R3HDM1: variants seen among roughly 807,000 people sequenced by gnomAD.
R3HDM1 encodes the protein R3H domain containing 1.
A neutral mutation model predicts 141.1 loss-of-function variants in R3HDM1; 46 were observed. That is an observed-to-expected ratio of 0.33 (90% confidence interval 0.26 to 0.42). The LOEUF (loss-of-function observed/expected upper bound fraction) is 0.42. R3HDM1 is among the 10% of genes least tolerant of loss of function. The pLI, the probability that R3HDM1 is intolerant of heterozygous loss-of-function variation, is 1.00. For synonymous variants in R3HDM1, 435 were observed against 472.9 expected (o/e 0.92, Z 1.04); for missense variants, 1,184 against 1,368.3 (o/e 0.87, Z 2.12).
Position 135,630,281 on chromosome 2 carries a change from C to CAAAAAAAAAAAA in R3HDM1, c.498-1421_498-1410dup, listed in dbSNP as rs911009655. 2.4e-3 allele frequency among the ~76,000 whole-genome samples: 93 copies of CAAAAAAAAAAAA among 39,324 alleles called. 1 individual carries two copies. Among genetic ancestry groups the CAAAAAAAAAAAA allele is most frequent in the Non-Finnish European group, 2.7e-3 (54 of 19,994 alleles). 25.8% of individuals were successfully genotyped at this position (39,324 alleles called of 152,430 possible). A position where few individuals can be genotyped will look rare whatever the true frequency, so the allele number is the denominator to read the frequency against. Reference sequence around the variant, plus strand: ...AACAAGAGCGAAACTCCTTCTCAACCAAAAAAAAAAAAAAAAAAAAAAAAA... The same window carrying CAAAAAAAAAAAA: ...AACAAGAGCGAAACTCCTTCTCAACCAAAAAAAAAAAAAAAAAAAAAAAAAAAAAAAAAAAAA... On this transcript the variant is annotated intron_variant, in intron 7 of 26. Coordinates refer to ENST00000683871, the MANE Select transcript of R3HDM1 (RefSeq NM_001378107.1).
In R3HDM1 at chr2:135,654,425, C is replaced by G. The variant is rs967322802; in HGVS notation, c.2028+2393C>G. The stretch of plus-strand genomic sequence containing the variant: ...CATTAATTGAAATTTGGAATGTTTT[C>G]TTTTGTTGTTGTTGTTGTTGTTGTT... On this transcript the variant is annotated intron_variant, in intron 18 of 26. Coordinates refer to ENST00000683871, the MANE Select transcript of R3HDM1 (RefSeq NM_001378107.1). Among the ~76,000 whole-genome samples the G allele has an allele frequency of 2.9e-5, 4 of 137,142 alleles. No homozygotes were observed. The East Asian group carries it at 6.6e-4, about 23-fold the overall frequency. 90.0% of individuals were successfully genotyped at this position (137,142 alleles called of 152,430 possible). A position where few individuals can be genotyped will look rare whatever the true frequency, so the allele number is the denominator to read the frequency against.
intron 1 of R3HDM1, among the ~76,000 whole-genome samples, chr2:135,541,851 T>TAAAAA (rs10558924): frequency 8.2e-6 from 1 of 121,916 alleles, no homozygotes. Context: ...TTCAATTTGT[T>TAAAAA]AAAAAAAAAA....
intron 23 of R3HDM1, among the ~76,000 whole-genome samples, chr2:135,710,711 G>C (rs551734515): frequency 1.3e-5 from 2 of 152,064 alleles, no homozygotes; most frequent in Non-Finnish European, 2.9e-5. Flanking sequence ...TAACTTCTGC[G>C]TATTCAAAAA....
chr2:135,613,274 T>C (rs1045494349), intron 3 of R3HDM1, among the ~76,000 whole-genome samples: 5 of 152,212 alleles, frequency 3.3e-5, no homozygotes, highest in African/African-American at 1.2e-4. Context: ...GGTCCTGTTT[T>C]TTGGCTGGTT....
At chr2:135,531,849 G>C in intron 1 of R3HDM1, 2 of 985,366 alleles carry the variant, frequency 2.0e-6, no homozygotes, top group Non-Finnish European at 2.4e-6. Context: ...GTCGGGTTCC[G>C]AGTGAGCCAG....
In R3HDM1 at chr2:135,715,804, A is replaced by G. The variant is rs149104518; in HGVS notation, c.2881+110A>G. ...GCCTTTCTATTTTCCATAGAGCTGC[A>G]TCTTCACCTACACTCAGGCATGTCT... On this transcript the variant is annotated intron_variant, in intron 24 of 26. Coordinates refer to ENST00000683871, the MANE Select transcript of R3HDM1 (RefSeq NM_001378107.1). 2.5e-5 allele frequency: 33 copies of G among 1,306,744 alleles called. 1 individual carries two copies. The East Asian group carries it at 2.9e-4, about 11-fold the overall frequency. The allele number at this position is 1,306,744 out of a possible 1,614,324, so 80.9% of individuals were successfully genotyped here.
At chr2:135,722,645 A>G in intron 26 of R3HDM1, 92 bp downstream of exon 26, 1 of 1,236,020 alleles carries the variant, frequency 8.1e-7, no homozygotes, top group Non-Finnish European at 1.1e-6. Flanking sequence ...TCCTCTTCCT[A>G]GAATCCTGCA....
intron 18 of R3HDM1, 85 bp downstream of exon 18, chr2:135,652,117 C>A: frequency 6.8e-7 from 1 of 1,462,634 alleles, no homozygotes; most frequent in Non-Finnish European, 9.0e-7. Flanking sequence ...TTTTTAAATT[C>A]TCATGAAGAG....
At chr2:135,722,648 A>G in intron 26 of R3HDM1, 95 bp downstream of exon 26, 1 of 1,220,578 alleles carries the variant, frequency 8.2e-7, no homozygotes, top group East Asian at 2.5e-5. Flanking sequence ...TCTTCCTAGA[A>G]TCCTGCAAAA....
chr2:135,721,694 T>C, intron 24 of R3HDM1: 1 of 385,370 alleles, frequency 2.6e-6, no homozygotes, highest in Admixed American at 3.6e-5. Flanking sequence ...TTCAAGCAGT[T>C]CTCATGCCTC....
At chr2:135,716,114 G>C (rs1293524647) in intron 24 of R3HDM1, among the ~76,000 whole-genome samples, 1 of 151,958 alleles carries the variant, frequency 6.6e-6, no homozygotes, top group Non-Finnish European at 1.5e-5. Context: ...ATCACTTGAG[G>C]CCACTCAAGA....
intron 1 of R3HDM1, among the ~76,000 whole-genome samples, chr2:135,592,182 A>G (rs950672305): frequency 2.6e-5 from 4 of 152,226 alleles, no homozygotes; most frequent in Non-Finnish European, 5.9e-5. Context: ...ATCTTAACAT[A>G]AACTATATCA....
At chr2:135,709,992 AGT>A (rs2075431370) in intron 22 of R3HDM1, 65 bp from the exon 23 acceptor site, 1 of 1,443,372 alleles carries the variant, frequency 6.9e-7, no homozygotes, top group African/African-American at 1.4e-5. Context: ...CTGTTATCCT[AGT>A]GTTCAGAAAC....
intron 5 of R3HDM1, chr2:135,619,769 TG>T: frequency 1.1e-6 from 1 of 946,338 alleles, no homozygotes; most frequent in Non-Finnish European, 1.3e-6. Context: ...GGAATTAATC[TG>T]GAATAAAACT....
chr2:135,582,487 T>C (rs1326440177), intron 1 of R3HDM1, among the ~76,000 whole-genome samples: 1 of 152,082 alleles, frequency 6.6e-6, no homozygotes, highest in East Asian at 1.9e-4. Flanking sequence ...GCTTCCAGAG[T>C]TGAAATGCCT....
intron 16 of R3HDM1, among the ~76,000 whole-genome samples, chr2:135,646,309 G>C (rs563296476): frequency 4.0e-5 from 6 of 150,854 alleles, no homozygotes; most frequent in Non-Finnish European, 8.9e-5. Context: ...CAAATTTTTT[G>C]TATTTTTAGT....
In R3HDM1 at chr2:135,636,625, T is replaced by C. The variant is rs559029700; in HGVS notation, c.903+442T>C. ...AGCTAATTGATTTTGTAGGTTAATA[T>C]CTGTTTTCTTCTTCATAAGTGATTA... On this transcript the variant is annotated intron_variant, in intron 11 of 26. Transcript: ENST00000683871. Among the ~76,000 whole-genome samples, 4 of 152,252 alleles carry C rather than the reference T, an allele frequency of 2.6e-5. No homozygotes were observed. In the South Asian group the frequency reaches 6.2e-4, roughly 24 times the overall value.
chr2:135,569,998 T>G (rs530753512), intron 1 of R3HDM1, among the ~76,000 whole-genome samples: 109 of 152,292 alleles, frequency 7.2e-4, no homozygotes, highest in African/African-American at 2.4e-3. Context: ...AGTGCTGGGA[T>G]TACAGGCGTG....
intron 21 of R3HDM1, among the ~76,000 whole-genome samples, chr2:135,702,514 A>C (rs967378281): frequency 4.6e-5 from 7 of 151,950 alleles, no homozygotes; most frequent in African/African-American, 1.7e-4. Context: ...CAAAAAAATT[A>C]GCCGGGCATG....
Sources: gnomAD v4.1 joint callset for allele counts (sites outside exome capture counted in the v4.1 genomes callset) on GRCh38, gnomAD v4.1.1 for gene constraint, MANE v1.5 for transcripts, NCBI Gene and HGNC (gene_info 2026-07-23, HGNC 2026-07-21) for gene names.